KATNAL1: variants seen among roughly 807,000 people sequenced by gnomAD.
KATNAL1 encodes the protein katanin p60 ATPase-containing subunit A-like 1.
In KATNAL1, 32 loss-of-function variants were observed where a neutral mutation model predicts 55.2. The observed-to-expected ratio is 0.58, with a 90% CI of 0.44 to 0.78. KATNAL1 has a LOEUF of 0.78. Ranked by LOEUF, KATNAL1 falls within the 30% of genes least tolerant of loss-of-function variation. KATNAL1 has a pLI of 0.00. For missense variants in KATNAL1, 466 were observed against 600.9 expected (o/e 0.78, Z 2.35); for synonymous variants, 193 against 193.6 (o/e 1.00, Z 0.02).
chr13:30,218,076 C>T (rs1874468184), intron 9 of KATNAL1, among the ~76,000 whole-genome samples: 1 of 151,880 alleles, frequency 6.6e-6, no homozygotes, highest in Non-Finnish European at 1.5e-5. Flanking sequence ...CAGATAACAA[C>T]ACAGAAGTAG....
intron 4 of KATNAL1, among the ~76,000 whole-genome samples, chr13:30,252,910 C>T (rs1364986649): frequency 6.6e-6 from 1 of 152,130 alleles, no homozygotes; most frequent in African/African-American, 2.4e-5. Context: ...CCACACCCAG[C>T]TAATTTTTGT....
intron 1 of KATNAL1, among the ~76,000 whole-genome samples, chr13:30,295,505 C>T (rs114500324): frequency 2.0e-4 from 31 of 152,164 alleles, no homozygotes; most frequent in African/African-American, 6.5e-4. Flanking sequence ...GGCTCACACC[C>T]GTAATCTCAA....
At chr13:30,224,469 G>A (rs990374569) in intron 9 of KATNAL1, among the ~76,000 whole-genome samples, 2 of 151,842 alleles carry the variant, frequency 1.3e-5, no homozygotes, top group African/African-American at 4.8e-5. Flanking sequence ...AAAAGTTTGA[G>A]GCTGCAGTGA....
intron 9 of KATNAL1, among the ~76,000 whole-genome samples, chr13:30,222,701 G>GT (rs1875003117): frequency 6.6e-6 from 1 of 152,020 alleles, no homozygotes; most frequent in African/African-American, 2.4e-5. Flanking sequence ...AGCAAGGGGG[G>GT]TACAGAGAAA....
intron 4 of KATNAL1, among the ~76,000 whole-genome samples, chr13:30,250,604 T>C (rs1878207550): frequency 6.6e-6 from 1 of 152,198 alleles, no homozygotes. Flanking sequence ...GTTTGCAACA[T>C]CTCTCCATAT....
At chr13:30,230,408 T>G in intron 8 of KATNAL1, 60 bp downstream of exon 8, 108 of 1,493,856 alleles carry the variant, frequency 7.2e-5, no homozygotes, top group Non-Finnish European at 9.3e-5. Context: ...CCATTGATTA[T>G]GAGTTTACAC....
chr13:30,234,608 T>C (rs552213615), intron 6 of KATNAL1, among the ~76,000 whole-genome samples: 23 of 152,158 alleles, frequency 1.5e-4, no homozygotes, highest in Non-Finnish European at 2.5e-4. Context: ...ACAAAACTCC[T>C]GAACAAACTC....
intron 9 of KATNAL1, among the ~76,000 whole-genome samples, chr13:30,221,509 G>T (rs1339784367): frequency 6.6e-6 from 1 of 152,168 alleles, no homozygotes; most frequent in Non-Finnish European, 1.5e-5. Flanking sequence ...GAATTAAAAA[G>T]TAGCTAACAA....
chr13:30,240,896 A>T (rs1877205659), intron 5 of KATNAL1, 63 bp downstream of exon 5: 1 of 1,482,552 alleles, frequency 6.7e-7, no homozygotes, highest in East Asian at 2.3e-5. Flanking sequence ...AAACTCACAC[A>T]CCAAGACAAC....
At chr13:30,232,650 T>A (rs1876222477) in intron 6 of KATNAL1, among the ~76,000 whole-genome samples, 1 of 152,186 alleles carries the variant, frequency 6.6e-6, no homozygotes, top group African/African-American at 2.4e-5. Context: ...ATGCCATTAA[T>A]GTGGCCACCT....
At chr13:30,290,315 C>T (rs1342657186) in intron 1 of KATNAL1, among the ~76,000 whole-genome samples, 1 of 150,824 alleles carries the variant, frequency 6.6e-6, no homozygotes, top group African/African-American at 2.4e-5. Flanking sequence ...TAGGATTGAC[C>T]AGGAAAGAGA....
chr13:30,225,853 A>G (rs1304965406), intron 9 of KATNAL1, among the ~76,000 whole-genome samples: 2 of 152,346 alleles, frequency 1.3e-5, no homozygotes, highest in East Asian at 3.9e-4. Context: ...CTGCTTATTA[A>G]GAGATACCAT....
intron 1 of KATNAL1, among the ~76,000 whole-genome samples, chr13:30,303,583 TG>T (rs1882996158): frequency 6.6e-6 from 1 of 152,142 alleles, no homozygotes; most frequent in Non-Finnish European, 1.5e-5. Context: ...AAAAATAAAA[TG>T]AAATACTCTT....
At position 30,227,397 on chromosome 13, in the gene KATNAL1, G is replaced by C; in HGVS notation, c.1147+15C>G. ...AAAAAGTAACAGAAAGCTCAAAATA[G>C]AGAAGACATCATACCTGTTGGGAGA... On this transcript the variant is annotated intron_variant, in intron 9 of 10. Coordinates refer to ENST00000380615, the MANE Select transcript of KATNAL1 (RefSeq NM_032116.5). The C allele has an allele frequency of 6.2e-7, 1 of 1,602,826 alleles. No homozygotes were observed. The highest frequency in any genetic ancestry group is 1.1e-5 in the South Asian group (1 of 89,590).
intron 3 of KATNAL1, among the ~76,000 whole-genome samples, chr13:30,267,904 C>T (rs1879907811): frequency 6.6e-6 from 1 of 152,280 alleles, no homozygotes; most frequent in Non-Finnish European, 1.5e-5. Flanking sequence ...CGTAGCCCCA[C>T]ACAAGTCAAA....
chr13:30,302,643 C>T (rs1351108722), intron 1 of KATNAL1, among the ~76,000 whole-genome samples: 3 of 152,062 alleles, frequency 2.0e-5, no homozygotes, highest in Non-Finnish European at 2.9e-5. Flanking sequence ...CCCTCAAACA[C>T]GTAAAAGCTA....
intron 3 of KATNAL1, among the ~76,000 whole-genome samples, chr13:30,265,245 G>C (rs1249627550): frequency 1.3e-5 from 2 of 151,680 alleles, no homozygotes; most frequent in Non-Finnish European, 2.9e-5. Context: ...ACGGGGGAGG[G>C]ATAGCATTGG....
chr13:30,225,541 C>T (rs1875369527), intron 9 of KATNAL1, among the ~76,000 whole-genome samples: 1 of 151,580 alleles, frequency 6.6e-6, no homozygotes, highest in African/African-American at 2.4e-5. Context: ...ACATACACAA[C>T]AAAATAATTT....
chr13:30,280,339 C>A, intron 2 of KATNAL1, 116 bp from the exon 3 acceptor site: 2 of 664,632 alleles, frequency 3.0e-6, no homozygotes, highest in South Asian at 3.8e-5. Context: ...AAAAATGAAT[C>A]ATTAAAACAT....
Sources: gnomAD v4.1 joint callset for allele counts (sites outside exome capture counted in the v4.1 genomes callset) on GRCh38, gnomAD v4.1.1 for gene constraint, MANE v1.5 for transcripts, NCBI Gene and HGNC (gene_info 2026-07-23, HGNC 2026-07-21) for gene names.